Variants in MAP3K13 observed in about 807,000 individuals in gnomAD.
The protein encoded by MAP3K13 is leucine zipper-bearing kinase.
In MAP3K13, 52 loss-of-function variants were observed where a neutral mutation model predicts 104.0. The observed-to-expected ratio is 0.50, with a 90% CI of 0.40 to 0.63. The LOEUF (loss-of-function observed/expected upper bound fraction) is 0.63, where lower values mean the gene tolerates loss of function less well. MAP3K13 is among the 20% of genes least tolerant of loss of function. The probability of loss-of-function intolerance (pLI) is 0.00; values close to 1 mark genes in which losing one functional copy is unlikely to be tolerated. For synonymous variants in MAP3K13, 394 were observed against 442.2 expected, an observed-to-expected ratio of 0.89 and a Z score of 1.37; for missense variants, 914 against 1,218.5, an observed-to-expected ratio of 0.75 and a Z score of 3.72.
chr3:185,316,502 G>A (rs1350129112), intron 2 of MAP3K13, among the ~76,000 whole-genome samples: 3 of 152,134 alleles, frequency 2.0e-5, no homozygotes, highest in Non-Finnish European at 2.9e-5. Context: ...TTAGCTGGGT[G>A]TGGTGGCACA....
In MAP3K13 at chr3:185,482,924, G is replaced by C. The variant is rs1718546671; in HGVS notation, c.*468G>C. 2 of 233,582 alleles carry C rather than the reference G, an allele frequency of 8.6e-6. No individual in the cohort carries two copies. Among genetic ancestry groups the C allele is most frequent in the Non-Finnish European group, 1.7e-5 (2 of 118,482 alleles). 14.5% of individuals were successfully genotyped at this position (233,582 alleles called of 1,614,324 possible). On this transcript the variant is annotated 3_prime_UTR_variant, in exon 14 of 14. Transcript: ENST00000265026. This position sits in a 1 kb window ranked among gnomAD's most constrained non-coding sequence, Gnocchi z 4.5. Reference sequence around the variant, plus strand: ...AGGTATTATTGCTGCTTGAACAGGGGACCAGGTCTTTTGGCCATAAGTGAC... The same window carrying C: ...AGGTATTATTGCTGCTTGAACAGGGCACCAGGTCTTTTGGCCATAAGTGAC...
intron 9 of MAP3K13, 78 bp downstream of exon 9, chr3:185,465,941 CTG>C (rs1452183725): frequency 3.9e-6 from 4 of 1,036,882 alleles, no homozygotes; most frequent in African/African-American, 3.1e-5. Context: ...TTCCATGTTG[CTG>C]CTACTCAGAA....
chr3:185,476,379 A>G (rs1042579054), intron 11 of MAP3K13: 4 of 147,980 alleles, frequency 2.7e-5, no homozygotes, highest in Non-Finnish European at 4.5e-5. Flanking sequence ...AAAAAAAAGC[A>G]TATCAGAATA....
intron 12 of MAP3K13, among the ~76,000 whole-genome samples, chr3:185,479,924 G>C (rs1718348931): frequency 6.6e-6 from 1 of 152,106 alleles, no homozygotes; most frequent in South Asian, 2.1e-4. Context: ...TTTTTATAAG[G>C]CTGCCAATCC....
Position 185,428,831 on chromosome 3 carries a change from G to T in MAP3K13, c.250G>T (p.Val84Phe). The change falls in exon 2 of 14, where the codon GTT (valine) becomes TTT (phenylalanine). Residue 84 changes from valine to phenylalanine, a missense_variant. This residue lies in a region of MAP3K13 where 156 missense variants were observed against 159.8 expected (regional missense o/e 0.98). Coordinates refer to ENST00000265026, the MANE Select transcript of MAP3K13 (RefSeq NM_004721.5). Reference sequence around the variant, plus strand: ...TTCCAGGGACCAGTTTGAGAACAGCGTTCTTCAGCTAAGGGAACACGATGA... The same window carrying T: ...TTCCAGGGACCAGTTTGAGAACAGCTTTCTTCAGCTAAGGGAACACGATGA... ...EDSRDQFENS[V>F]LQLREHDESE... The T allele has an allele frequency of 6.2e-7, 1 of 1,614,144 alleles. No homozygotes were observed. The highest frequency in any genetic ancestry group is 8.5e-7 in the Non-Finnish European group (1 of 1,180,028).
chr3:185,459,315 A>G (rs1208646774), intron 7 of MAP3K13, among the ~76,000 whole-genome samples: 1 of 152,090 alleles, frequency 6.6e-6, no homozygotes, highest in Non-Finnish European at 1.5e-5. Context: ...CCCTCTAATA[A>G]GCCCCCCAAA....
chr3:185,438,202 A>C (rs1415087526), intron 3 of MAP3K13, among the ~76,000 whole-genome samples: 1 of 152,054 alleles, frequency 6.6e-6, no homozygotes, highest in East Asian at 1.9e-4. Flanking sequence ...AGGCTGAGGC[A>C]GGGGGATTGC....
chr3:185,357,107 TTTTCTC>T (rs1723389276), intron 2 of MAP3K13, among the ~76,000 whole-genome samples: 1 of 151,872 alleles, frequency 6.6e-6, no homozygotes, highest in Admixed American at 6.6e-5. Flanking sequence ...AGTTTTTTTT[TTTTCTC>T]TCTCTCTCTC....
intron 1 of MAP3K13, among the ~76,000 whole-genome samples, chr3:185,366,403 G>T (rs911671770): frequency 1.3e-5 from 2 of 152,150 alleles, no homozygotes; most frequent in East Asian, 3.8e-4. Flanking sequence ...GAACATTTGT[G>T]TACACATTTT....
At chr3:185,332,831 G>A (rs1005531435) in intron 2 of MAP3K13, among the ~76,000 whole-genome samples, 1 of 152,154 alleles carries the variant, frequency 6.6e-6, no homozygotes, top group Non-Finnish European at 1.5e-5. Context: ...TGGCTATTGC[G>A]AATAAGGCCT....
chr3:185,341,037 TAC>T (rs10576588), intron 2 of MAP3K13, among the ~76,000 whole-genome samples: 115,757 of 151,898 alleles, frequency 0.76, 44,855 homozygotes, highest in Middle Eastern at 0.84. Context: ...CAAATAAAGT[TAC>T]ATTCTGAGAT....
chr3:185,360,692 G>A (rs1270483123), upstream of MAP3K13, among the ~76,000 whole-genome samples: 1 of 151,862 alleles, frequency 6.6e-6, no homozygotes, highest in Non-Finnish European at 1.5e-5. Context: ...TTAGGTGACT[G>A]TTATTAGAAG....
At chr3:185,323,675 T>C (rs7639439) in intron 2 of MAP3K13, among the ~76,000 whole-genome samples, 1,932 of 152,306 alleles carry the variant, frequency 0.013, 47 homozygotes, top group African/African-American at 0.044. Context: ...ATTAGATATC[T>C]GTACTATAAT....
intron 10 of MAP3K13, among the ~76,000 whole-genome samples, chr3:185,471,815 C>T: frequency 6.6e-6 from 1 of 152,140 alleles, no homozygotes; most frequent in East Asian, 1.9e-4. Context: ...TCTTGGTAGC[C>T]ATTGCTTTAA....
At chr3:185,416,487 G>A (rs1713778334) in intron 1 of MAP3K13, among the ~76,000 whole-genome samples, 1 of 151,954 alleles carries the variant, frequency 6.6e-6, no homozygotes, top group Non-Finnish European at 1.5e-5. Flanking sequence ...CTTAGAGAGA[G>A]TTATGGCGAG....
chr3:185,298,007 T>C (rs760789245), intron 2 of MAP3K13, among the ~76,000 whole-genome samples: 6 of 151,924 alleles, frequency 3.9e-5, no homozygotes, highest in African/African-American at 2.4e-5. Context: ...CTGAGAATTA[T>C]TGCCATGTCT....
chr3:185,335,322 C>G (rs1218267430), intron 2 of MAP3K13, among the ~76,000 whole-genome samples: 1 of 152,168 alleles, frequency 6.6e-6, no homozygotes, highest in African/African-American at 2.4e-5. Context: ...TAAGCCCCCT[C>G]TTTGATACAA....
chr3:185,425,741 C>T (rs1238051311), intron 1 of MAP3K13, among the ~76,000 whole-genome samples: 2 of 152,202 alleles, frequency 1.3e-5, no homozygotes, highest in Non-Finnish European at 2.9e-5. Flanking sequence ...GCTGTTTCCC[C>T]ATACTACCTG....
intron 2 of MAP3K13, among the ~76,000 whole-genome samples, chr3:185,344,326 G>A (rs567570027): frequency 6.6e-6 from 1 of 152,220 alleles, no homozygotes; most frequent in African/African-American, 2.4e-5. Context: ...AGACATGGAC[G>A]GGCTTATAGG....
Sources: gnomAD v4.1 joint callset for allele counts (sites outside exome capture counted in the v4.1 genomes callset) on GRCh38, gnomAD v4.1.1 for gene constraint, gnomAD v4.1.1 regional missense constraint, Gnocchi (gnomAD v3.1) non-coding constraint, MANE v1.5 for transcripts, NCBI Gene and HGNC (gene_info 2026-07-23, HGNC 2026-07-21) for gene names.